Variants in PRSS55 observed in about 807,000 individuals in gnomAD.
The protein encoded by PRSS55 is serine protease 55.
PRSS55 carries 41 observed loss-of-function variants against 23.6 expected under a neutral mutation model. That is an observed-to-expected ratio of 1.74 (90% CI 1.35 to 2.26). The LOEUF (loss-of-function observed/expected upper bound fraction) is 2.26, where lower values mean the gene tolerates loss of function less well. PRSS55 is among the 30% of genes most tolerant of loss of function. The pLI, the probability that PRSS55 is intolerant of heterozygous loss-of-function variation, is 0.00. For synonymous variants in PRSS55, 262 were observed against 175.5 expected, an observed-to-expected ratio of 1.49 and a Z score of -3.90; for missense variants, 669 against 439.1, an observed-to-expected ratio of 1.52 and a Z score of -4.68.
chr8:10,531,518 G>T lies in PRSS55; in HGVS notation c.571G>T (p.Val191Leu), dbSNP rs200269616. ...PGPATWRECW[V>L]AGWGQTNAAD... The stretch of plus-strand genomic sequence containing the variant: ...CCCTGCCACATGGCGCGAATGCTGG[G>T]TGGCAGGTTGGGGCCAGACCAATGC... Residue 191 changes from valine (V) to leucine (L), a missense_variant, in exon 3 of 5, where the codon GTG becomes TTG. Coordinates refer to ENST00000328655, the MANE Select transcript of PRSS55 (RefSeq NM_198464.4). 1.2e-6 allele frequency: 2 copies of T among 1,613,818 alleles called. No homozygotes were observed. Among genetic ancestry groups the T allele is most frequent in the South Asian group, 2.2e-5 (2 of 91,078 alleles).
chr8:10,549,447 G>A (rs928246405), intron 4 of PRSS55, among the ~76,000 whole-genome samples: 5 of 152,348 alleles, frequency 3.3e-5, no homozygotes, highest in Admixed American at 1.3e-4. Flanking sequence ...TGATGGCATC[G>A]GCATGTTGGG....
At position 10,531,386 on chromosome 8, in the gene PRSS55, G is replaced by A. The variant is rs150449267; in HGVS notation, c.439G>A (p.Asp147Asn). ...KEVASIILHK[D>N]FKRANMDNDI... ...GGTCGCCAGCATCATTCTTCACAAA[G>A]ACTTTAAGAGAGCCAACATGGACAA... Residue 147 changes from aspartate to asparagine, a missense_variant, in exon 3 of 5, where the codon GAC becomes AAC. Coordinates refer to ENST00000328655, the MANE Select transcript of PRSS55 (RefSeq NM_198464.4). 1.2e-5 allele frequency: 19 copies of A among 1,614,104 alleles called. No individual in the cohort carries two copies. Among genetic ancestry groups the A allele is most frequent in the Non-Finnish European group, 1.5e-5 (18 of 1,180,064 alleles).
At chr8:10,536,826 G>C (rs909945498) in intron 4 of PRSS55, among the ~76,000 whole-genome samples, 2 of 152,188 alleles carry the variant, frequency 1.3e-5, no homozygotes, top group Admixed American at 1.3e-4. Context: ...AATACACATG[G>C]ACACAAAGAG....
In PRSS55 at chr8:10,532,896, T is replaced by C; in HGVS notation, c.599-10T>C. 1 of 1,614,148 alleles carries C rather than the reference T, an allele frequency of 6.2e-7. No individual in the cohort carries two copies. Among genetic ancestry groups the C allele is most frequent in the Non-Finnish European group, 8.5e-7 (1 of 1,180,000 alleles). ...AGTGGCTTCTCTAATGCGCTTTCTCTCTGGGCCAGCTGACAAAAACTCTGT... is the reference window on the plus strand; with the variant it reads ...AGTGGCTTCTCTAATGCGCTTTCTCCCTGGGCCAGCTGACAAAAACTCTGT... On this transcript the variant is annotated splice_polypyrimidine_tract_variant and intron_variant, in intron 3 of 4. Coordinates refer to ENST00000328655, the MANE Select transcript of PRSS55 (RefSeq NM_198464.4).
At chr8:10,528,685 T>G (rs1023448835) in intron 1 of PRSS55, among the ~76,000 whole-genome samples, 1 of 152,204 alleles carries the variant, frequency 6.6e-6, no homozygotes, top group African/African-American at 2.4e-5. Context: ...TTCTTAGGGC[T>G]GCTGAAATGA....
intron 4 of PRSS55, among the ~76,000 whole-genome samples, chr8:10,545,406 G>C (rs1225386701): frequency 6.6e-6 from 1 of 152,076 alleles, no homozygotes; most frequent in African/African-American, 2.4e-5. Flanking sequence ...TGTTGCCCAG[G>C]CTGCAAACTT....
intron 1 of PRSS55, among the ~76,000 whole-genome samples, chr8:10,527,251 T>G (rs73662848): frequency 0.069 from 10,529 of 152,304 alleles, 1,160 homozygotes; most frequent in African/African-American, 0.23. Flanking sequence ...CTTACTTTAG[T>G]CACCCCTAGC....
chr8:10,542,781 G>C (rs59220972), downstream of PRSS55, among the ~76,000 whole-genome samples: 42,146 of 150,360 alleles, frequency 0.28, 6,883 homozygotes, highest in South Asian at 0.47. Flanking sequence ...GCTAAGGCAG[G>C]AGAATCGCTT....
chr8:10,543,413 C>CTTTTCTTTTCTTTTCCT (rs1554584922), downstream of PRSS55, among the ~76,000 whole-genome samples: 1 of 76,484 alleles, frequency 1.3e-5, no homozygotes. Context: ...TTCTTTCTTT[C>CTTTTCTTTTCTTTTCCT]TTCTTTCTTT....
intron 3 of PRSS55, 57 bp from the exon 4 acceptor site, chr8:10,532,849 C>T (rs1010590367): frequency 1.2e-5 from 20 of 1,606,008 alleles, no homozygotes; most frequent in African/African-American, 2.7e-5. Flanking sequence ...AGCTGCATCA[C>T]GAACGTGGGG....
chr8:10,545,380 A>G (rs559828207), intron 4 of PRSS55, among the ~76,000 whole-genome samples: 16 of 152,230 alleles, frequency 1.1e-4, no homozygotes, highest in Non-Finnish European at 2.1e-4. Context: ...TTTTATGGAG[A>G]GATGGGGTCT....
At position 10,538,741 on chromosome 8, in the gene PRSS55, G is replaced by A. The variant is rs1307443659; in HGVS notation, c.1007G>A (p.Trp336Ter). ...GVPEPGSPRS[W>*]LLLCPLSHVL... ...CCAGAGCCAGGCAGCCCCAGATCCT[G>A]GCTCCTGCTCTGTCCCCTGTCCCAT... The change falls in exon 5 of 5, where the codon TGG becomes TAG. Residue 336 changes from tryptophan to a stop codon, truncating the protein, a stop_gained. Transcript: ENST00000328655. LOFTEE classifies it low-confidence loss of function (END_TRUNC). The A allele has an allele frequency of 1.5e-5, 24 of 1,612,312 alleles. No homozygotes were observed. Among genetic ancestry groups the A allele is most frequent in the Non-Finnish European group, 2.0e-5 (24 of 1,179,186 alleles).
At chr8:10,538,360 T>G (rs1585882518) in intron 4 of PRSS55, 116 bp from the exon 5 acceptor site, 3 of 765,254 alleles carry the variant, frequency 3.9e-6, no homozygotes, top group Non-Finnish European at 6.3e-6. Flanking sequence ...AGGGATGGGG[T>G]GGGTTGGCAG....
At chr8:10,552,724 C>T (rs1267938059) in intron 4 of PRSS55, among the ~76,000 whole-genome samples, 2 of 152,200 alleles carry the variant, frequency 1.3e-5, no homozygotes, top group African/African-American at 2.4e-5. Flanking sequence ...AGACACATGA[C>T]CTCACACCTG....
intron 4 of PRSS55, chr8:10,545,327 A>G (rs1031485030): frequency 6.6e-6 from 1 of 151,876 alleles, no homozygotes; most frequent in Admixed American, 6.6e-5. Flanking sequence ...CCTTTTAAGT[A>G]TCTGGGACCA....
At chr8:10,549,378 G>A (rs1007391110) in intron 4 of PRSS55, among the ~76,000 whole-genome samples, 1 of 152,216 alleles carries the variant, frequency 6.6e-6, no homozygotes, top group African/African-American at 2.4e-5. Context: ...ATGGTTGTAA[G>A]AGCCTAGGAG....
intron 4 of PRSS55, among the ~76,000 whole-genome samples, chr8:10,533,627 A>C (rs1812349654): frequency 1.3e-5 from 2 of 152,200 alleles, no homozygotes; most frequent in African/African-American, 4.8e-5. Context: ...TAGAAAAAAA[A>C]TCATAAATTT....
intron 1 of PRSS55, 146 bp from the exon 2 acceptor site, chr8:10,529,361 G>A (rs556473591): frequency 2.9e-4 from 232 of 793,312 alleles, no homozygotes; most frequent in African/African-American, 5.4e-4. Context: ...GGGCTGCCCC[G>A]CTCGGCAGCC....
At chr8:10,538,825 G>C, downstream of PRSS55, 1 of 1,523,686 alleles carries the variant, frequency 6.6e-7, no homozygotes, top group Non-Finnish European at 8.8e-7. Flanking sequence ...TTCAACCGAG[G>C]GAGGGTGCAT....
Sources: allele counts gnomAD v4.1 joint callset (sites outside exome capture counted in the v4.1 genomes callset), GRCh38; gene constraint gnomAD v4.1.1; transcripts MANE v1.5; gene names NCBI Gene and HGNC (gene_info 2026-07-23, HGNC 2026-07-21).